Variants in FAM177B observed in about 807,000 individuals in gnomAD.
FAM177B encodes family with sequence similarity 177 member B.
Under a neutral mutation model 16.1 loss-of-function variants are expected in FAM177B, and 16 were observed. The ratio of observed to expected loss-of-function variants is 0.99; its 90% CI spans 0.67 to 1.51. The LOEUF is 1.51. FAM177B is among the 40% of genes most tolerant of loss of function. The pLI is 0.00. For missense variants in FAM177B, 178 were observed against 183.7 expected (o/e 0.97, Z 0.18); for synonymous variants, 56 against 59.9 (o/e 0.93, Z 0.30).
chr1:222,743,486 T>C (rs909219700), intron 2 of FAM177B, among the ~76,000 whole-genome samples: 1 of 152,198 alleles, frequency 6.6e-6, no homozygotes, highest in East Asian at 1.9e-4. Context: ...AGATTCAGTA[T>C]ACCCTGTCTT....
chr1:222,742,500 G>A (rs544776638), intron 2 of FAM177B: 1 of 152,182 alleles, frequency 6.6e-6, no homozygotes, highest in Non-Finnish European at 1.5e-5. Flanking sequence ...GCTATTATTA[G>A]GTAAATGTTT....
chr1:222,741,225 A>AT (rs1658518203), intron 2 of FAM177B, among the ~76,000 whole-genome samples: 2 of 151,186 alleles, frequency 1.3e-5, no homozygotes, highest in Non-Finnish European at 3.0e-5. Context: ...AGTCCGGCTA[A>AT]TTTTTTTGTA....
chr1:222,740,235 A>G (rs904435099), intron 2 of FAM177B, among the ~76,000 whole-genome samples: 8 of 152,224 alleles, frequency 5.3e-5, no homozygotes, highest in African/African-American at 1.9e-4. Flanking sequence ...TTTTATATAT[A>G]TAAGCATATG....
intron 2 of FAM177B, among the ~76,000 whole-genome samples, chr1:222,743,405 G>A (rs1030582674): frequency 1.3e-5 from 2 of 151,728 alleles, no homozygotes; most frequent in South Asian, 4.1e-4. Context: ...CGATCCACCC[G>A]CCTTGCCCTC....
chr1:222,746,417 G>A (rs773574123), intron 2 of FAM177B, 114 bp from the exon 3 acceptor site: 2 of 575,452 alleles, frequency 3.5e-6, no homozygotes, highest in Non-Finnish European at 6.1e-6. Context: ...GAATCGATGA[G>A]GTCACAGGTG....
In FAM177B at chr1:222,746,553, T is replaced by G. The variant is rs2378607; in HGVS notation, c.8T>G (p.Ile3Ser). 0.67 allele frequency: 1,067,469 copies of G among 1,590,152 alleles called. 365,910 individuals carry two copies. The highest frequency in any genetic ancestry group is 0.8 in the East Asian group (35,483 of 44,628). ME[I>S]DGFQQLDLEK... ...TAGTTGTTTTGTTTCATTATGGAGA[T>G]TGACGGTTTCCAGCAGTTAGACCTA... The change falls in exon 3 of 6, where the codon ATT becomes AGT. Residue 3 changes from isoleucine to serine, a missense_variant. By Grantham distance (142) the Ile-to-Ser change is moderately radical (BLOSUM62 -2). Transcript: ENST00000445590.
chr1:222,747,178 C>A, intron 4 of FAM177B, 97 bp downstream of exon 4: 2 of 829,492 alleles, frequency 2.4e-6, no homozygotes, highest in South Asian at 1.4e-5. Context: ...TAAGCCACTC[C>A]ATCGCATCCT....
intron 2 of FAM177B, among the ~76,000 whole-genome samples, chr1:222,742,797 A>G (rs1053639382): frequency 1.6e-5 from 2 of 123,712 alleles, no homozygotes; most frequent in African/African-American, 5.3e-5. Context: ...ACCTACGACT[A>G]TGCGACGATA....
At chr1:222,738,657 A>T (rs930168006) in intron 2 of FAM177B, among the ~76,000 whole-genome samples, 3 of 151,760 alleles carry the variant, frequency 2.0e-5, no homozygotes, top group African/African-American at 7.3e-5. Context: ...CAAAAGCAAG[A>T]CCGTGTCTCA....
chr1:222,740,056 T>C (rs1658453577), intron 2 of FAM177B, among the ~76,000 whole-genome samples: 1 of 152,154 alleles, frequency 6.6e-6, no homozygotes, highest in Non-Finnish European at 1.5e-5. Flanking sequence ...GATACACCAT[T>C]ACTAAGTCAG....
chr1:222,743,727 TG>T (rs1438188858), intron 2 of FAM177B, among the ~76,000 whole-genome samples: 1 of 152,214 alleles, frequency 6.6e-6, no homozygotes, highest in Non-Finnish European at 1.5e-5. Flanking sequence ...TTTTGCAAGC[TG>T]GGGGTAGATT....
intron 2 of FAM177B, among the ~76,000 whole-genome samples, chr1:222,744,343 G>A (rs1374296703): frequency 6.6e-6 from 1 of 151,892 alleles, no homozygotes; most frequent in African/African-American, 2.4e-5. Context: ...GTGGTGGTGG[G>A]TGCCTGTAGT....
chr1:222,749,394 C>A, intron 4 of FAM177B, 71 bp from the exon 5 acceptor site: 1 of 825,902 alleles, frequency 1.2e-6, no homozygotes, highest in South Asian at 1.6e-5. Flanking sequence ...AGTTTAAACT[C>A]TGGGCATCTC....
chr1:222,744,160 T>G (rs1658678416), intron 2 of FAM177B, among the ~76,000 whole-genome samples: 1 of 152,184 alleles, frequency 6.6e-6, no homozygotes, highest in African/African-American at 2.4e-5. Flanking sequence ...AATTTTAAAG[T>G]ATCTTAAATC....
Position 222,737,270 on chromosome 1 carries a change from A to G in FAM177B, c.-186A>G, listed in dbSNP as rs963514163. ...CCCTCCCCCTCTGCCAAGGGGCAGG[A>G]CAGGGAGGAAAGGGAAGACAGAGAC... On this transcript the variant is annotated 5_prime_UTR_variant, in exon 1 of 6. Transcript: ENST00000445590. 6.6e-6 allele frequency: 1 copy of G among 152,452 alleles called. No homozygotes were observed. The highest frequency in any genetic ancestry group is 1.5e-5 in the Non-Finnish European group (1 of 68,220). The allele number at this position is 152,452 out of a possible 1,614,324, so 9.4% of individuals were successfully genotyped here.
chr1:222,749,143 T>C (rs971563880), intron 4 of FAM177B: 4 of 461,192 alleles, frequency 8.7e-6, no homozygotes, highest in African/African-American at 6.0e-5. Context: ...ATGGGGATAA[T>C]GAACAATACC....
intron 1 of FAM177B, among the ~76,000 whole-genome samples, chr1:222,737,671 A>C (rs1025723581): frequency 1.3e-5 from 2 of 152,200 alleles, no homozygotes; most frequent in Non-Finnish European, 2.9e-5. Context: ...CTTTTACTCT[A>C]GGTGAGACGG....
intron 2 of FAM177B, among the ~76,000 whole-genome samples, chr1:222,740,627 T>G (rs530181931): frequency 6.6e-6 from 1 of 152,228 alleles, no homozygotes; most frequent in African/African-American, 2.4e-5. Flanking sequence ...CAGCTCATAT[T>G]TTTTGTTATT....
At position 222,750,683 on chromosome 1, in the gene FAM177B, TTTC is replaced by T; in HGVS notation, c.*628_*630del. The T allele has an allele frequency of 5.8e-6, 3 of 519,726 alleles. No homozygotes were observed. The highest frequency in any genetic ancestry group is 7.4e-6 in the Non-Finnish European group (3 of 404,938). The allele number at this position is 519,726 out of a possible 1,614,324, so 32.2% of individuals were successfully genotyped here. ...CTAGAAAAAAATATTAATGGATTAT[TTTC>T]TTATTTATTTGTCAAGAAATTTTCA... On this transcript the variant is annotated 3_prime_UTR_variant, in exon 6 of 6. Transcript: ENST00000445590.
Sources: gnomAD v4.1 joint callset for allele counts (sites outside exome capture counted in the v4.1 genomes callset) on GRCh38, gnomAD v4.1.1 for gene constraint, MANE v1.5 for transcripts, NCBI Gene and HGNC (gene_info 2026-07-23, HGNC 2026-07-21) for gene names.